ARHGEF3: variants seen among roughly 807,000 people sequenced by gnomAD.
ARHGEF3 encodes the protein Rho guanine nucleotide exchange factor 3.
ARHGEF3 carries 28 observed loss-of-function variants against 63.2 expected under a neutral mutation model. That is an observed-to-expected ratio of 0.44 (90% CI 0.33 to 0.61). The LOEUF (loss-of-function observed/expected upper bound fraction) is 0.61, where lower values mean the gene tolerates loss of function less well. Ranked by LOEUF, ARHGEF3 falls within the 20% of genes least tolerant of loss-of-function variation. The pLI, the probability that ARHGEF3 is intolerant of heterozygous loss-of-function variation, is 0.03. For synonymous variants in ARHGEF3, 266 were observed against 254.2 expected, an observed-to-expected ratio of 1.05 and a Z score of -0.44; for missense variants, 533 against 659.3, an observed-to-expected ratio of 0.81 and a Z score of 2.10.
chr3:56,887,482 T>A (rs780422738), intron 3 of ARHGEF3, among the ~76,000 whole-genome samples: 1 of 152,160 alleles, frequency 6.6e-6, no homozygotes, highest in Non-Finnish European at 1.5e-5. Flanking sequence ...GGATCATAGA[T>A]GTTGGGTGAC....
intron 2 of ARHGEF3, among the ~76,000 whole-genome samples, chr3:57,001,021 C>A (rs1035181642): frequency 6.6e-6 from 1 of 152,048 alleles, no homozygotes; most frequent in Admixed American, 6.6e-5. Flanking sequence ...GTCACTGCAG[C>A]CTCAAATCCC....
intron 4 of ARHGEF3, among the ~76,000 whole-genome samples, chr3:56,857,680 A>C (rs1019312169): frequency 1.3e-5 from 2 of 152,194 alleles, no homozygotes; most frequent in Non-Finnish European, 2.9e-5. Flanking sequence ...ACACCAAAGA[A>C]GCGGGGAGAT....
chr3:56,921,365 C>A (rs1302881360), intron 3 of ARHGEF3, among the ~76,000 whole-genome samples: 1 of 152,054 alleles, frequency 6.6e-6, no homozygotes, highest in Non-Finnish European at 1.5e-5. Flanking sequence ...AGACTGTTGT[C>A]AAATTTAGGT....
intron 2 of ARHGEF3, among the ~76,000 whole-genome samples, chr3:56,772,305 T>A (rs1210503915): frequency 6.6e-6 from 1 of 152,122 alleles, no homozygotes; most frequent in Non-Finnish European, 1.5e-5. Context: ...ACTTGGGCTA[T>A]GTGGAGTCAT....
chr3:56,736,065 C>CAA (rs200902990), intron 8 of ARHGEF3, among the ~76,000 whole-genome samples: 8 of 151,358 alleles, frequency 5.3e-5, no homozygotes, highest in Admixed American at 5.3e-4. Flanking sequence ...CACACACACA[C>CAA]ACACACACAC....
chr3:56,923,069 TATATATAA>T (rs1239802545), intron 3 of ARHGEF3, among the ~76,000 whole-genome samples: 5 of 38,610 alleles, frequency 1.3e-4, no homozygotes, highest in Admixed American at 5.1e-4. Flanking sequence ...TATATATATA[TATATATAA>T]ATTAGTTGGG....
chr3:57,005,551 G>C (rs1303288473), intron 2 of ARHGEF3, among the ~76,000 whole-genome samples: 5 of 152,150 alleles, frequency 3.3e-5, no homozygotes, highest in African/African-American at 9.7e-5. Context: ...AGACTCACTG[G>C]AAGTCCTCTA....
intron 2 of ARHGEF3, among the ~76,000 whole-genome samples, chr3:56,757,275 C>A (rs1391555356): frequency 6.6e-6 from 1 of 152,160 alleles, no homozygotes; most frequent in African/African-American, 2.4e-5. Context: ...CAGTTTGACA[C>A]CAGCCTGGCC....
chr3:56,920,878 C>T (rs2042110791), intron 3 of ARHGEF3, among the ~76,000 whole-genome samples: 1 of 151,952 alleles, frequency 6.6e-6, no homozygotes, highest in Non-Finnish European at 1.5e-5. Flanking sequence ...TGGTGAAACC[C>T]TGTCTCTACT....
chr3:56,848,626 C>T (rs932584483), intron 4 of ARHGEF3, among the ~76,000 whole-genome samples: 6 of 152,052 alleles, frequency 3.9e-5, no homozygotes, highest in Non-Finnish European at 2.9e-5. Context: ...ACATATACAC[C>T]GTTGAACAAT....
At chr3:56,944,382 A>G (rs1699355785) in intron 3 of ARHGEF3, among the ~76,000 whole-genome samples, 1 of 151,968 alleles carries the variant, frequency 6.6e-6, no homozygotes, top group Non-Finnish European at 1.5e-5. Flanking sequence ...GCTGATTCCA[A>G]CCCTCATGGA....
chr3:56,910,141 A>G (rs2041817394), intron 3 of ARHGEF3, among the ~76,000 whole-genome samples: 1 of 151,882 alleles, frequency 6.6e-6, no homozygotes, highest in Non-Finnish European at 1.5e-5. Flanking sequence ...CCTTTACCCA[A>G]CTCCAGAGGT....
chr3:57,033,721 A>C (rs1160669072), intron 2 of ARHGEF3, among the ~76,000 whole-genome samples: 1 of 152,120 alleles, frequency 6.6e-6, no homozygotes, highest in Non-Finnish European at 1.5e-5. Flanking sequence ...TATTTTTAAC[A>C]AGGAAAATCT....
intron 2 of ARHGEF3, among the ~76,000 whole-genome samples, chr3:56,971,874 A>T (rs1427405859): frequency 1.3e-5 from 2 of 151,932 alleles, no homozygotes; most frequent in South Asian, 2.1e-4. Flanking sequence ...AAAAAATTTT[A>T]AAAAGCACTT....
intron 3 of ARHGEF3, among the ~76,000 whole-genome samples, chr3:56,933,933 A>T (rs1253499636): frequency 6.6e-6 from 1 of 152,060 alleles, no homozygotes; most frequent in Admixed American, 6.5e-5. Flanking sequence ...TTCTCACAAG[A>T]TCTGATGGTT....
chr3:56,872,020 G>A (rs2040445565), intron 4 of ARHGEF3, among the ~76,000 whole-genome samples: 1 of 149,806 alleles, frequency 6.7e-6, no homozygotes, highest in Non-Finnish European at 1.5e-5. Context: ...ATCACTGAAG[G>A]TGTATTACTT....
At chr3:56,990,513 G>T (rs560289220) in intron 2 of ARHGEF3, among the ~76,000 whole-genome samples, 1 of 152,322 alleles carries the variant, frequency 6.6e-6, no homozygotes, top group Non-Finnish European at 1.5e-5. Flanking sequence ...TTGAACCCGG[G>T]AGGCAGAGGT....
At chr3:56,789,212 G>T (rs1421281681) in intron 1 of ARHGEF3, among the ~76,000 whole-genome samples, 1 of 152,164 alleles carries the variant, frequency 6.6e-6, no homozygotes, top group Non-Finnish European at 1.5e-5. Context: ...TCAGCTCACA[G>T]GTGGCCAAGT....
chr3:57,011,185 T>C (rs975441792), intron 2 of ARHGEF3, among the ~76,000 whole-genome samples: 18 of 152,066 alleles, frequency 1.2e-4, no homozygotes, highest in African/African-American at 2.4e-4. Context: ...AGAAGCACAG[T>C]TGATGAAAAC....
Sources: allele counts gnomAD v4.1 joint callset (sites outside exome capture counted in the v4.1 genomes callset), GRCh38; gene constraint gnomAD v4.1.1; transcripts MANE v1.5; gene names NCBI Gene and HGNC (gene_info 2026-07-23, HGNC 2026-07-21).